ARHGAP44: variants seen among roughly 807,000 people sequenced by gnomAD.
ARHGAP44 encodes the protein rho GTPase-activating protein 44.
A neutral mutation model predicts 106.8 loss-of-function variants in ARHGAP44; 43 were observed. That is an observed-to-expected ratio of 0.40 (90% CI 0.32 to 0.52). The LOEUF is 0.52. ARHGAP44 is among the 20% of genes least tolerant of loss of function. The probability of loss-of-function intolerance (pLI) is 0.48; values close to 1 mark genes in which losing one functional copy is unlikely to be tolerated. For synonymous variants in ARHGAP44, 439 were observed against 410.3 expected, an observed-to-expected ratio of 1.07 and a Z score of -0.85; for missense variants, 866 against 1,050.5, an observed-to-expected ratio of 0.82 and a Z score of 2.43.
intron 1 of ARHGAP44, among the ~76,000 whole-genome samples, chr17:12,810,528 G>T (rs967741626): frequency 1.3e-5 from 2 of 152,120 alleles, no homozygotes; most frequent in Non-Finnish European, 2.9e-5. Context: ...TGACAAATGG[G>T]TTAGAACTTT....
intron 1 of ARHGAP44, among the ~76,000 whole-genome samples, chr17:12,861,499 G>A (rs1281984844): frequency 6.6e-6 from 1 of 151,910 alleles, no homozygotes; most frequent in South Asian, 2.1e-4. Context: ...AGGTTTCTCT[G>A]GAGGCAGCCC....
chr17:12,811,332 G>C (rs936305772), intron 1 of ARHGAP44, among the ~76,000 whole-genome samples: 19 of 149,000 alleles, frequency 1.3e-4, no homozygotes, highest in African/African-American at 4.5e-4. Flanking sequence ...AAAAAAAATC[G>C]TAAGAAAGAG....
chr17:12,851,492 A>G (rs929330176), intron 1 of ARHGAP44, among the ~76,000 whole-genome samples: 5 of 150,624 alleles, frequency 3.3e-5, no homozygotes, highest in African/African-American at 1.2e-4. Context: ...CTTGAGATGG[A>G]GTTTTGCTCT....
chr17:12,919,387 C>CT (rs375129968), intron 5 of ARHGAP44, among the ~76,000 whole-genome samples: 6,600 of 135,990 alleles, frequency 0.049, 293 homozygotes, highest in Admixed American at 0.087. Flanking sequence ...AATAGTTCTT[C>CT]TTTTTTTTTT....
At chr17:12,948,163 C>G (rs1190577642) in intron 10 of ARHGAP44, among the ~76,000 whole-genome samples, 2 of 152,240 alleles carry the variant, frequency 1.3e-5, no homozygotes, top group African/African-American at 4.8e-5. Flanking sequence ...CAACTCTGAC[C>G]TGCATTCATC....
At chr17:12,911,023 A>G (rs1323929631) in intron 4 of ARHGAP44, among the ~76,000 whole-genome samples, 4 of 148,018 alleles carry the variant, frequency 2.7e-5, no homozygotes, top group Admixed American at 1.4e-4. Context: ...AAATACATGG[A>G]AGGGACTACA....
chr17:12,804,132 T>C (rs542566263), intron 1 of ARHGAP44, among the ~76,000 whole-genome samples: 1 of 152,324 alleles, frequency 6.6e-6, no homozygotes, highest in South Asian at 2.1e-4. Context: ...CTTGTTTCCC[T>C]GTCAAAATAC....
intron 1 of ARHGAP44, among the ~76,000 whole-genome samples, chr17:12,867,658 A>T (rs1415283776): frequency 6.6e-6 from 1 of 152,196 alleles, no homozygotes; most frequent in Non-Finnish European, 1.5e-5. Flanking sequence ...GGAGTCATGG[A>T]ATCTATCCTT....
chr17:12,879,627 T>TA (rs2036660182), intron 1 of ARHGAP44, among the ~76,000 whole-genome samples: 1 of 150,964 alleles, frequency 6.6e-6, no homozygotes, highest in Non-Finnish European at 1.5e-5. Flanking sequence ...GTGTTACAGT[T>TA]AAAATTATAT....
chr17:12,802,963 ATATATATTT>A (rs1415742017), intron 1 of ARHGAP44, among the ~76,000 whole-genome samples: 27 of 22,104 alleles, frequency 1.2e-3, no homozygotes, highest in South Asian at 2.7e-3. Flanking sequence ...ATATATATAT[ATATATATTT>A]TTTTTTTTTT....
intron 3 of ARHGAP44, among the ~76,000 whole-genome samples, chr17:12,900,051 G>A (rs1389653722): frequency 6.6e-6 from 1 of 152,186 alleles, no homozygotes; most frequent in Non-Finnish European, 1.5e-5. Flanking sequence ...TGGGTACTGA[G>A]TAAAACTGGA....
At chr17:12,829,935 C>T (rs1316573627) in intron 1 of ARHGAP44, among the ~76,000 whole-genome samples, 1 of 152,154 alleles carries the variant, frequency 6.6e-6, no homozygotes, top group Non-Finnish European at 1.5e-5. Flanking sequence ...GCATTGTTTA[C>T]TGATGTATCT....
At chr17:12,855,732 A>G (rs1284467628) in intron 1 of ARHGAP44, among the ~76,000 whole-genome samples, 1 of 152,218 alleles carries the variant, frequency 6.6e-6, no homozygotes, top group Non-Finnish European at 1.5e-5. Flanking sequence ...TGTCTACAGA[A>G]GTCCAATTAA....
intron 1 of ARHGAP44, among the ~76,000 whole-genome samples, chr17:12,885,461 T>C (rs1368363088): frequency 6.6e-6 from 1 of 152,060 alleles, no homozygotes; most frequent in Non-Finnish European, 1.5e-5. Flanking sequence ...TGTACCATTT[T>C]GCTGTGCCCA....
intron 1 of ARHGAP44, among the ~76,000 whole-genome samples, chr17:12,797,986 AT>A (rs2033974918): frequency 6.6e-6 from 1 of 151,716 alleles, no homozygotes; most frequent in Non-Finnish European, 1.5e-5. Flanking sequence ...TAAATTATAT[AT>A]TTTTTCTTAC....
chr17:12,830,327 G>A (rs1346351538), intron 1 of ARHGAP44, among the ~76,000 whole-genome samples: 1 of 152,132 alleles, frequency 6.6e-6, no homozygotes, highest in Non-Finnish European at 1.5e-5. Flanking sequence ...CTAGTTGTAA[G>A]AGAGGTCTTT....
Position 12,861,679 on chromosome 17 carries a change from C to CAGCCAG in ARHGAP44, c.54-33261_54-33260insAGCCAG, listed in dbSNP as rs57280683. On this transcript the variant is annotated intron_variant, in intron 1 of 20. Transcript: ENST00000379672. ...TTTTTGAGATGGAATCTTGCTCAGT[C>CAGCCAG]GCTGGAGTGCAGTGGCGCAATCTCG... Among the ~76,000 whole-genome samples the CAGCCAG allele has an allele frequency of 2.3e-4, 29 of 126,462 alleles. 2 individuals are homozygous for CAGCCAG. The highest frequency in any genetic ancestry group is 7.3e-4 in the African/African-American group (26 of 35,568). 83.0% of individuals were successfully genotyped at this position (126,462 alleles called of 152,430 possible).
chr17:12,980,083 C>A lies in ARHGAP44; in HGVS notation c.1789C>A (p.Pro597Thr), dbSNP rs1400525008. The change falls in exon 19 of 21, where the codon CCA becomes ACA. Residue 597 changes from proline to threonine, a missense_variant. By Grantham distance (38) the Pro-to-Thr change is conservative (BLOSUM62 -1). This residue lies in a region of ARHGAP44 where 418 missense variants were observed against 403.6 expected (regional missense o/e 1.04). Coordinates refer to ENST00000379672, the MANE Select transcript of ARHGAP44 (RefSeq NM_014859.6). ...CACAACAAAAAGCAAGGAACTTTCT[C>A]CAGGCTCTGCACAGAAAGGAAGTCC... ...TSTTKSKELS[P>T]GSAQKGSPGS... The A allele has an allele frequency of 6.2e-7, 1 of 1,609,548 alleles. No individual in the cohort carries two copies. The highest frequency in any genetic ancestry group is 1.1e-5 in the South Asian group (1 of 90,852).
rs542093746 is a variant in ARHGAP44, at chr17:12,975,625, C to T, written c.1763+1315C>T. On this transcript the variant is annotated intron_variant, in intron 18 of 20. Coordinates refer to ENST00000379672, the MANE Select transcript of ARHGAP44 (RefSeq NM_014859.6). ...CATCCTGGCTAACACGGTGAAACCC[C>T]ACCTCTACTAAAAATACAAAAAATT... is the stretch of plus-strand genomic sequence containing the variant. Among the ~76,000 whole-genome samples the T allele has an allele frequency of 3.3e-5, 5 of 151,812 alleles. No homozygotes were observed. In the South Asian group the frequency reaches 1.0e-3, roughly 32 times the overall value.
Sources: allele counts gnomAD v4.1 joint callset (sites outside exome capture counted in the v4.1 genomes callset), GRCh38; gene constraint gnomAD v4.1.1; regional missense constraint gnomAD v4.1.1; transcripts MANE v1.5; gene names NCBI Gene and HGNC (gene_info 2026-07-23, HGNC 2026-07-21).